Variants in KRABD3 observed in about 807,000 individuals in gnomAD.
KRABD3 encodes KRAB domain containing 3.
At chr7:149,722,107 G>A in the KRABD3 span, 2 of 439,956 alleles carry the variant, frequency 4.5e-6, no homozygotes, top group African/African-American at 2.0e-5. Flanking sequence ...CTGGGGTTCT[G>A]TGTGCCCTGT....
chr7:149,731,499 C>T, the KRABD3 span, among the ~76,000 whole-genome samples: 4 of 152,346 alleles, frequency 2.6e-5, no homozygotes, highest in East Asian at 1.9e-4. Flanking sequence ...ACACACGCAC[C>T]GCGGCGGGCC....
the KRABD3 span, chr7:149,733,864 C>T: frequency 8.8e-6 from 14 of 1,594,878 alleles, no homozygotes; most frequent in African/African-American, 1.2e-4. Flanking sequence ...CTGCCTTACC[C>T]CTGCAGGGAG....
the KRABD3 span, chr7:149,721,036 G>A: frequency 7.5e-6 from 12 of 1,598,248 alleles, no homozygotes; most frequent in Admixed American, 6.8e-5. Flanking sequence ...TCTGCACTCC[G>A]CATGATGAAG....
the KRABD3 span, chr7:149,720,225 T>C: frequency 7.5e-7 from 1 of 1,334,504 alleles, no homozygotes; most frequent in Non-Finnish European, 1.0e-6. Flanking sequence ...GCCTCTCACC[T>C]CCCTGCCTCC....
chr7:149,720,725 C>T, the KRABD3 span: 2 of 1,152,460 alleles, frequency 1.7e-6, no homozygotes, highest in South Asian at 1.5e-5. Flanking sequence ...CTGGCTGCTC[C>T]TCATGTGGCT....
the KRABD3 span, chr7:149,720,757 G>C: frequency 7.3e-7 from 1 of 1,365,392 alleles, no homozygotes; most frequent in Non-Finnish European, 9.9e-7. Flanking sequence ...GTGAGATGCT[G>C]GGTGTGAAAA....
the KRABD3 span, chr7:149,721,876 C>G: frequency 6.3e-6 from 3 of 473,536 alleles, no homozygotes; most frequent in South Asian, 1.8e-5. Flanking sequence ...ATCCTTAGAC[C>G]GTCTCATCAC....
the KRABD3 span, chr7:149,722,725 C>T: frequency 5.7e-5 from 88 of 1,535,470 alleles, no homozygotes; most frequent in Non-Finnish European, 6.9e-5. Flanking sequence ...TGCCTGCCAG[C>T]GCTCCCGGTG....
chr7:149,729,998 C>G, the KRABD3 span: 2 of 1,317,786 alleles, frequency 1.5e-6, no homozygotes, highest in East Asian at 2.9e-5. Flanking sequence ...CTTTCTCTGG[C>G]AAGAGAGGCA....
At chr7:149,725,035 C>T in the KRABD3 span, among the ~76,000 whole-genome samples, 6 of 152,352 alleles carry the variant, frequency 3.9e-5, no homozygotes, top group East Asian at 5.8e-4. Flanking sequence ...CCCGCTGCCT[C>T]GGGGCCTTCG....
chr7:149,720,813 G>C, the KRABD3 span: 11 of 1,565,212 alleles, frequency 7.0e-6, no homozygotes, highest in Non-Finnish European at 8.6e-7. Context: ...GGTGCGGGGG[G>C]GTCACTGTGG....
chr7:149,721,240 C>T, the KRABD3 span: 2 of 1,138,400 alleles, frequency 1.8e-6, no homozygotes, highest in Non-Finnish European at 2.4e-6. Flanking sequence ...TGGCCCCATT[C>T]AGAGCCCAGT....
the KRABD3 span, chr7:149,721,832 C>T: frequency 1.2e-5 from 7 of 577,212 alleles, no homozygotes; most frequent in Non-Finnish European, 3.3e-6. Flanking sequence ...GGCCCACGGC[C>T]AGCAGCATTG....
chr7:149,733,171 C>G, the KRABD3 span: 1 of 1,554,486 alleles, frequency 6.4e-7, no homozygotes. Context: ...TCCTTACAAA[C>G]CAGGAACTCT....
chr7:149,731,657 G>C, the KRABD3 span: 3 of 1,597,852 alleles, frequency 1.9e-6, no homozygotes, highest in Admixed American at 1.7e-5. Flanking sequence ...CAAGGTCTCT[G>C]TGCTCTTTCT....
chr7:149,715,251 G>C, the KRABD3 span: 2 of 1,218,278 alleles, frequency 1.6e-6, no homozygotes, highest in Non-Finnish European at 2.0e-6. Context: ...CTCCGCCGCC[G>C]GTACCCACGG....
At chr7:149,725,974 C>A in the KRABD3 span, 1 of 1,609,572 alleles carries the variant, frequency 6.2e-7, no homozygotes. Context: ...CGAGGAACCC[C>A]CACCAGCTTC....
chr7:149,733,240 G>C, the KRABD3 span: 1 of 1,610,102 alleles, frequency 6.2e-7, no homozygotes, highest in Non-Finnish European at 8.5e-7. Context: ...CCCAGGGCCC[G>C]CCTGAGCTGC....
the KRABD3 span, chr7:149,725,880 C>T: frequency 1.3e-6 from 2 of 1,565,052 alleles, no homozygotes; most frequent in East Asian, 2.3e-5. Flanking sequence ...TGTGCTGTTC[C>T]CTACAGAAGC....
Sources: allele counts gnomAD v4.1 joint callset (sites outside exome capture counted in the v4.1 genomes callset), GRCh38; gene constraint gnomAD v4.1.1; transcripts MANE v1.5; gene names NCBI Gene and HGNC (gene_info 2026-07-23, HGNC 2026-07-21).